Variants in MECR observed in about 807,000 individuals in gnomAD.
MECR encodes mitochondrial trans-2-enoyl-CoA reductase, also known as enoyl-[acyl-carrier-protein] reductase, mitochondrial.
In MECR, 37 loss-of-function variants were observed where a neutral mutation model predicts 49.1. The observed-to-expected ratio is 0.75, with a 90% CI of 0.58 to 0.99. The LOEUF is 0.99. Among genes scored for constraint, MECR ranks in the 50% least tolerant of loss-of-function variants. The pLI, the probability that MECR is intolerant of heterozygous loss-of-function variation, is 0.00. For synonymous variants in MECR, 198 were observed against 191.1 expected (o/e 1.04, Z -0.30); for missense variants, 470 against 479.6 (o/e 0.98, Z 0.19).
chr1:29,221,742 C>T (rs1680826966), intron 1 of MECR, among the ~76,000 whole-genome samples: 1 of 152,116 alleles, frequency 6.6e-6, no homozygotes, highest in African/African-American at 2.4e-5. Flanking sequence ...GTGCTCAGGG[C>T]TAGACATACA....
chr1:29,213,834 C>T (rs1460939581), intron 3 of MECR, among the ~76,000 whole-genome samples: 1 of 152,222 alleles, frequency 6.6e-6, no homozygotes, highest in Non-Finnish European at 1.5e-5. Context: ...AGGTATCCAT[C>T]TCATGTTGTG....
At chr1:29,198,617 T>G (rs900332496) in intron 7 of MECR, among the ~76,000 whole-genome samples, 1 of 152,202 alleles carries the variant, frequency 6.6e-6, no homozygotes, top group African/African-American at 2.4e-5. Flanking sequence ...CCTTGTTTTT[T>G]TTTGTTTGTT....
downstream of MECR, among the ~76,000 whole-genome samples, chr1:29,187,851 A>G (rs1266481691): frequency 1.3e-5 from 2 of 149,964 alleles, no homozygotes; most frequent in Non-Finnish European, 3.0e-5. Context: ...CCTGGCTAAC[A>G]TGGTGAAACC....
chr1:29,204,293 C>T lies in MECR; in HGVS notation c.551-1060G>A, dbSNP rs566880555. On this transcript the variant is annotated intron_variant, in intron 4 of 9. Coordinates refer to ENST00000263702, the MANE Select transcript of MECR (RefSeq NM_016011.5). The stretch of plus-strand genomic sequence containing the variant: ...AAAGTGCTTTGTTGAATTTGAAATG[C>T]TATCTGGTTTTTGAGAGGCAGCAGG... 3.9e-5 allele frequency among the ~76,000 whole-genome samples: 6 copies of T among 151,926 alleles called. No individual in the cohort carries two copies. The East Asian group carries it at 1.2e-3, about 29-fold the overall frequency.
the MECR span, among the ~76,000 whole-genome samples, chr1:29,178,138 G>A: frequency 1.3e-5 from 2 of 151,860 alleles, no homozygotes; most frequent in African/African-American, 4.8e-5. Flanking sequence ...GACTTCAAGT[G>A]ATCCACCTAC....
At chr1:29,180,137 T>C in the MECR span, among the ~76,000 whole-genome samples, 6 of 152,254 alleles carry the variant, frequency 3.9e-5, no homozygotes, top group African/African-American at 1.2e-4. Context: ...GAGAAGTAAC[T>C]TGCCCATACG....
chr1:29,183,807 T>C, the MECR span, among the ~76,000 whole-genome samples: 1 of 152,150 alleles, frequency 6.6e-6, no homozygotes, highest in African/African-American at 2.4e-5. Context: ...CATTAGATAT[T>C]TATGGGATCA....
At chr1:29,196,067 G>A (rs530367491) in intron 8 of MECR, 54 bp from the exon 9 acceptor site, 18 of 1,598,964 alleles carry the variant, frequency 1.1e-5, no homozygotes, top group East Asian at 4.5e-5. Context: ...TTCAGGTACC[G>A]CTTAAGGGTA....
chr1:29,182,156 A>G, the MECR span, among the ~76,000 whole-genome samples: 2 of 152,128 alleles, frequency 1.3e-5, no homozygotes, highest in East Asian at 3.9e-4. Context: ...CGCACCTCCT[A>G]GAGCCCAGCG....
chr1:29,175,559 G>A, the MECR span, among the ~76,000 whole-genome samples: 1 of 149,808 alleles, frequency 6.7e-6, no homozygotes, highest in Non-Finnish European at 1.5e-5. Context: ...GCCGGGAGCG[G>A]TGGCGGGCTC....
At chr1:29,205,201 T>C (rs1201654223) in intron 4 of MECR, among the ~76,000 whole-genome samples, 3 of 150,364 alleles carry the variant, frequency 2.0e-5, no homozygotes, top group Non-Finnish European at 4.5e-5. Flanking sequence ...TGTTTTGTTT[T>C]TGAGATGGTG....
chr1:29,173,916 C>T, the MECR span, among the ~76,000 whole-genome samples: 2 of 150,992 alleles, frequency 1.3e-5, no homozygotes, highest in South Asian at 2.1e-4. Context: ...TTGGTGGGTG[C>T]GGTGGCTCAC....
rs375317652 is a variant in MECR at position 29,200,613 on chromosome 1, G to A, written c.757-24C>T. The A allele has an allele frequency of 3.1e-6, 5 of 1,608,868 alleles. No individual in the cohort carries two copies. The African/African-American group carries it at 5.3e-5, about 17-fold the overall frequency. ...TCCTGGAAAACAACAAAAGTGCAGTGAGGGAGCATCCCCGCTCTACATATG... is the reference window on the plus strand; with the variant it reads ...TCCTGGAAAACAACAAAAGTGCAGTAAGGGAGCATCCCCGCTCTACATATG... On this transcript the variant is annotated intron_variant, in intron 6 of 9. Coordinates refer to ENST00000263702, the MANE Select transcript of MECR (RefSeq NM_016011.5).
the MECR span, among the ~76,000 whole-genome samples, chr1:29,179,536 T>A: frequency 3.3e-5 from 5 of 152,084 alleles, no homozygotes; most frequent in East Asian, 1.9e-4. Context: ...ATTAAAAAAA[T>A]TTTTTTCTTA....
At chr1:29,189,509 G>A (rs1163742736), downstream of MECR, among the ~76,000 whole-genome samples, 1 of 152,188 alleles carries the variant, frequency 6.6e-6, no homozygotes, top group Non-Finnish European at 1.5e-5. Context: ...CGCTGTGCCC[G>A]GACCGTCTGA....
chr1:29,205,279 G>C (rs1676306842), intron 4 of MECR, among the ~76,000 whole-genome samples: 1 of 152,004 alleles, frequency 6.6e-6, no homozygotes, highest in South Asian at 2.1e-4. Flanking sequence ...CCGCCTCCCG[G>C]GTTCAAGCGA....
intron 4 of MECR, among the ~76,000 whole-genome samples, chr1:29,203,620 A>G (rs1245370040): frequency 6.6e-6 from 1 of 152,100 alleles, no homozygotes; most frequent in Non-Finnish European, 1.5e-5. Flanking sequence ...AATCCTGTAG[A>G]TCCTTTGAAG....
At chr1:29,230,438 C>CA (rs1182066140) in intron 1 of MECR, 11 of 396,348 alleles carry the variant, frequency 2.8e-5, no homozygotes, top group Admixed American at 4.7e-5. Context: ...ATAACTACCC[C>CA]AAAACATTGT....
intron 1 of MECR, chr1:29,224,380 G>C (rs1681532955): frequency 6.6e-6 from 1 of 152,190 alleles, no homozygotes; most frequent in Non-Finnish European, 1.5e-5. Context: ...CAGGATCCCA[G>C]ATTTCAAACA....
Sources: gnomAD v4.1 joint callset for allele counts (sites outside exome capture counted in the v4.1 genomes callset) on GRCh38, gnomAD v4.1.1 for gene constraint, MANE v1.5 for transcripts, NCBI Gene and HGNC (gene_info 2026-07-23, HGNC 2026-07-21) for gene names.